The following HIP1R variants were observed in gnomAD, a reference collection of about 807,000 sequenced individuals.
The protein encoded by HIP1R is huntingtin-interacting protein 1-related protein.
A neutral mutation model predicts 144.2 loss-of-function variants in HIP1R; 135 were observed. The observed-to-expected ratio is 0.94, with a 90% CI of 0.81 to 1.08. The LOEUF (loss-of-function observed/expected upper bound fraction) is 1.08, where lower values mean the gene tolerates loss of function less well. HIP1R is among the 50% of genes least tolerant of loss of function. The pLI is 0.00. For synonymous variants in HIP1R, 698 were observed against 612.8 expected (o/e 1.14, Z -2.05); for missense variants, 1,462 against 1,432.8 (o/e 1.02, Z -0.33).
chr12:122,849,472 C>A (rs534863221), intron 4 of HIP1R, among the ~76,000 whole-genome samples: 6 of 152,250 alleles, frequency 3.9e-5, no homozygotes, highest in Non-Finnish European at 7.3e-5. Flanking sequence ...TCCCTTGAAG[C>A]GAGGAAAACA....
At chr12:122,854,790 C>CGGTCT in intron 8 of HIP1R, 115 bp from the exon 9 acceptor site, 1 of 1,112,962 alleles carries the variant, frequency 9.0e-7, no homozygotes, top group Non-Finnish European at 1.3e-6. Context: ...GGGCCTGGCC[C>CGGTCT]GGTCTCAGGT....
At chr12:122,841,720 A>G (rs1442421770) in intron 1 of HIP1R, among the ~76,000 whole-genome samples, 2 of 152,142 alleles carry the variant, frequency 1.3e-5, no homozygotes, top group Non-Finnish European at 2.9e-5. Context: ...GGCCCAGGGA[A>G]TGAAACTGCA....
At chr12:122,854,465 TC>T (rs1260476497) in intron 8 of HIP1R, among the ~76,000 whole-genome samples, 1 of 151,746 alleles carries the variant, frequency 6.6e-6, no homozygotes, top group Non-Finnish European at 1.5e-5. Flanking sequence ...CCCAGGAATC[TC>T]CCGCCAGGCA....
chr12:122,855,747 C>A, intron 12 of HIP1R, 84 bp from the exon 13 acceptor site: 1 of 1,512,586 alleles, frequency 6.6e-7, no homozygotes, highest in Non-Finnish European at 9.0e-7. Context: ...CCTGAGTGGC[C>A]ACTGAGGAGG....
intron 23 of HIP1R, 44 bp downstream of exon 23, chr12:122,859,580 T>C (rs760701538): frequency 6.6e-6 from 10 of 1,516,212 alleles, no homozygotes; most frequent in Admixed American, 3.6e-5. Flanking sequence ...TGTGGAGCTT[T>C]GGGGGCCGGA....
At chr12:122,859,698 G>C (rs2033705845) in intron 23 of HIP1R, 74 bp from the exon 24 acceptor site, 1 of 1,541,428 alleles carries the variant, frequency 6.5e-7, no homozygotes, top group South Asian at 1.1e-5. Context: ...TGAGAGGGCA[G>C]GAGGCAGCCC....
intron 28 of HIP1R, 54 bp from the exon 29 acceptor site, chr12:122,860,862 T>A: frequency 6.3e-7 from 1 of 1,597,456 alleles, no homozygotes; most frequent in Admixed American, 1.8e-5. Flanking sequence ...AGCCCAGGCC[T>A]GCTGCTGCCC....
At chr12:122,860,248 A>G in intron 26 of HIP1R, 38 bp downstream of exon 26, 1 of 1,536,400 alleles carries the variant, frequency 6.5e-7, no homozygotes, top group Non-Finnish European at 8.8e-7. Flanking sequence ...GTCCACAAGG[A>G]GCCTGACCCC....
Position 122,849,959 on chromosome 12 carries a change from G to A in HIP1R, c.438+4G>A. ...CAAGATCTCCTTCCACCTCAAGGTG[G>A]TTTCCTCGGGGGAGTCATGGGGCTG... On this transcript the variant is annotated splice_donor_region_variant and intron_variant, in intron 5 of 31. Transcript: ENST00000253083. The A allele has an allele frequency of 1.2e-6, 2 of 1,610,678 alleles. No individual in the cohort carries two copies. Among genetic ancestry groups the A allele is most frequent in the Non-Finnish European group, 1.7e-6 (2 of 1,177,260 alleles).
chr12:122,860,948 C>A lies in HIP1R; in HGVS notation c.2799C>A (p.Ser933Arg). Residue 933 changes from serine (S) to arginine (R), a missense_variant, in exon 29 of 32, where the codon AGC becomes AGA. By Grantham distance (110) the Ser-to-Arg change is moderately radical. This residue lies in a region of HIP1R where 1,112 missense variants were observed against 1,011.7 expected (regional missense o/e 1.10). Coordinates refer to ENST00000253083, the MANE Select transcript of HIP1R (RefSeq NM_003959.3). Reference protein sequence around the residue: ...VKANKHSPHLSRLQECSRTVN... With the variant: ...VKANKHSPHLRRLQECSRTVN... ...CCAACAAGCACAGCCCCCACCTGAG[C>A]CGCCTGCAGGAATGTTCTCGCACAG... is the stretch of plus-strand genomic sequence containing the variant. The A allele has an allele frequency of 6.2e-7, 1 of 1,613,232 alleles. No individual in the cohort carries two copies. The highest frequency in any genetic ancestry group is 1.3e-5 in the African/African-American group (1 of 75,028).
rs1216923375 is a variant in HIP1R at position 122,857,139 on chromosome 12, CAG to C, written c.1742_1743del (p.Glu581GlyfsTer214). On this transcript the variant is annotated frameshift_variant, in exon 18 of 32. Transcript: ENST00000253083. LOFTEE classifies it high-confidence loss of function. ...GCGGCGCAGAGCCTGGTGCGCGAGA[CAG>C]AGGCGGCGCTGAGCCGGGAGCAGCA... 8.4e-6 allele frequency: 13 copies of C among 1,550,332 alleles called. No homozygotes were observed. The highest frequency in any genetic ancestry group is 1.1e-5 in the Non-Finnish European group (13 of 1,146,924).
chr12:122,848,903 G>T (rs369437291), intron 4 of HIP1R, 51 bp downstream of exon 4: 2 of 1,583,772 alleles, frequency 1.3e-6, no homozygotes, highest in African/African-American at 1.3e-5. Flanking sequence ...TTTCCTGAGC[G>T]TGTGGGGCTG....
At chr12:122,847,842 C>T (rs2033254536) in intron 1 of HIP1R, among the ~76,000 whole-genome samples, 189 bp from the exon 2 acceptor site, 1 of 152,192 alleles carries the variant, frequency 6.6e-6, no homozygotes. Context: ...ACTGTAGTTC[C>T]AGCTGCACCG....
At position 122,859,665 on chromosome 12, in the gene HIP1R, C is replaced by A. The variant is rs547235714; in HGVS notation, c.2407-107C>A. On this transcript the variant is annotated intron_variant, in intron 23 of 31. Transcript: ENST00000253083. The stretch of plus-strand genomic sequence containing the variant: ...CCAGACAGAGGACAGATGGCGTTTT[C>A]CAGGGGCCTGTGAGGTCAGAGCTGA... The A allele has an allele frequency of 4.2e-6, 6 of 1,425,498 alleles. No homozygotes were observed. In the East Asian group the frequency reaches 1.4e-4, roughly 33 times the overall value. 88.3% of individuals were successfully genotyped at this position (1,425,498 alleles called of 1,614,324 possible). A position where few individuals can be genotyped will look rare whatever the true frequency, so the allele number is the denominator to read the frequency against.
At position 122,860,743 on chromosome 12, in the gene HIP1R, G is replaced by A. The variant is rs138195638; in HGVS notation, c.2725G>A (p.Glu909Lys). 26 of 1,613,178 alleles carry A rather than the reference G, an allele frequency of 1.6e-5. No individual in the cohort carries two copies. Among genetic ancestry groups the A allele is most frequent in the African/African-American group, 8.0e-5 (6 of 75,010 alleles). The change falls in exon 28 of 32, where the codon GAG becomes AAG. Residue 909 changes from glutamate to lysine, a missense_variant. Coordinates refer to ENST00000253083, the MANE Select transcript of HIP1R (RefSeq NM_003959.3). ...TGAGGAGCTCATCGTCTGCTCCCAC[G>A]AGATCGCAGCCAGCACGGCCCAGCT... ...KYEELIVCSHEIAASTAQLVA... is the reference protein window; with the variant it reads ...KYEELIVCSHKIAASTAQLVA...
In HIP1R at chr12:122,858,385, C is replaced by T. The variant is rs866580342; in HGVS notation, c.2000C>T (p.Ala667Val). ...LVSRAQEALDAVSTLEEGHAQ... is the reference protein window; with the variant it reads ...LVSRAQEALDVVSTLEEGHAQ... ...AGCAGGGCCCAGGAGGCCTTGGATG[C>T]CGTGAGCACCCTGGAGGAGGGCCAC... The change falls in exon 20 of 32, where the codon GCC becomes GTC. Residue 667 changes from alanine (A) to valine (V), a missense_variant. Physicochemically the swap from Ala to Val is moderately conservative, Grantham distance 64. Transcript: ENST00000253083. The T allele has an allele frequency of 1.7e-5, 27 of 1,610,812 alleles. No individual in the cohort carries two copies. In the African/African-American group the frequency reaches 2.5e-4, roughly 15 times the overall value.
chr12:122,835,359 C>CG (rs1259265107), upstream of HIP1R: 2 of 921,010 alleles, frequency 2.2e-6, no homozygotes, highest in African/African-American at 4.6e-5. Context: ...TTTGCGGGCG[C>CG]GGGGGGCGGG....
At chr12:122,852,969 C>A (rs908195120) in intron 7 of HIP1R, among the ~76,000 whole-genome samples, 3 of 152,104 alleles carry the variant, frequency 2.0e-5, no homozygotes, top group Admixed American at 2.0e-4. Flanking sequence ...CTTGCCCCTC[C>A]CCCCCAGGCT....
At chr12:122,843,300 A>G (rs1317367514) in intron 1 of HIP1R, among the ~76,000 whole-genome samples, 1 of 152,122 alleles carries the variant, frequency 6.6e-6, no homozygotes, top group Non-Finnish European at 1.5e-5. Flanking sequence ...TCTTTTTGTT[A>G]TTTATGACCT....
Sources: gnomAD v4.1 joint callset for allele counts (sites outside exome capture counted in the v4.1 genomes callset) on GRCh38, gnomAD v4.1.1 for gene constraint, gnomAD v4.1.1 regional missense constraint, MANE v1.5 for transcripts, NCBI Gene and HGNC (gene_info 2026-07-23, HGNC 2026-07-21) for gene names.